Variants in SLC25A43 observed in about 807,000 individuals in gnomAD.
SLC25A43 encodes solute carrier family 25 member 43.
SLC25A43 carries 10 observed loss-of-function variants against 22.8 expected under a neutral mutation model. That is an observed-to-expected ratio of 0.44 (90% CI 0.27 to 0.74). SLC25A43 has a LOEUF of 0.74. Among genes scored for constraint, SLC25A43 ranks in the 30% least tolerant of loss-of-function variants. SLC25A43 has a pLI of 0.17. For synonymous variants in SLC25A43, 106 were observed against 121.6 expected (o/e 0.87, Z 0.84); for missense variants, 233 against 279.1 (o/e 0.83, Z 1.18).
At chrX:119,442,409 C>G (rs1009550374) in intron 3 of SLC25A43, among the ~76,000 whole-genome samples, 1 of 112,199 alleles carries the variant, frequency 8.9e-6, no homozygotes, top group African/African-American at 3.2e-5. Context: ...ACAATTCTTA[C>G]CAGAAACTGG....
intron 4 of SLC25A43, among the ~76,000 whole-genome samples, chrX:119,452,502 A>AAAAAAC (rs1556113470): frequency 9.0e-6 from 1 of 111,089 alleles, no homozygotes; most frequent in Non-Finnish European, 1.9e-5. Context: ...CAAAAAAAAA[A>AAAAAAC]AAAAACAAAA....
chrX:119,413,081 C>T (rs1362590549), intron 3 of SLC25A43, among the ~76,000 whole-genome samples: 1 of 109,180 alleles, frequency 9.2e-6, no homozygotes, highest in East Asian at 2.9e-4. Context: ...ATCCTGCCAC[C>T]GCATTCCAGC....
chrX:119,407,870 C>A (rs2052311972), intron 2 of SLC25A43, among the ~76,000 whole-genome samples: 1 of 110,930 alleles, frequency 9.0e-6, no homozygotes, highest in African/African-American at 3.3e-5. Context: ...TCTCACTCCA[C>A]CCCCACTTGA....
chrX:119,402,847 C>G (rs2147249602), intron 1 of SLC25A43, among the ~76,000 whole-genome samples: 1 of 109,500 alleles, frequency 9.1e-6, no homozygotes, highest in Non-Finnish European at 1.9e-5. Context: ...CTCTGAGATT[C>G]TAAGGGGAAC....
chrX:119,444,815 A>G (rs1213552864), intron 3 of SLC25A43, among the ~76,000 whole-genome samples: 1 of 109,946 alleles, frequency 9.1e-6, no homozygotes, highest in African/African-American at 3.3e-5. Flanking sequence ...TGGGTGGCTC[A>G]CTTGAGGTCA....
intron 3 of SLC25A43, among the ~76,000 whole-genome samples, chrX:119,411,362 T>A (rs1365938861): frequency 9.1e-6 from 1 of 110,427 alleles, no homozygotes; most frequent in Non-Finnish European, 1.9e-5. Context: ...TAGCTGGTTG[T>A]GGTGGCACAT....
At chrX:119,407,348 T>C (rs773578387) in intron 2 of SLC25A43, among the ~76,000 whole-genome samples, 1 of 111,234 alleles carries the variant, frequency 9.0e-6, no homozygotes, top group Admixed American at 9.6e-5. Context: ...TTAGCTTGCT[T>C]CTCATCCTCC....
chrX:119,431,841 G>A (rs1037545691), intron 3 of SLC25A43, among the ~76,000 whole-genome samples: 2 of 111,128 alleles, frequency 1.8e-5, no homozygotes, highest in South Asian at 3.8e-4. Context: ...AGAGTGTGCC[G>A]CAGCAGAGGT....
chrX:119,443,115 TC>T (rs1289578243), intron 3 of SLC25A43, among the ~76,000 whole-genome samples: 9 of 68,029 alleles, frequency 1.3e-4, no homozygotes, highest in African/African-American at 1.8e-4. Context: ...CCATTCTCTC[TC>T]TTTTTTTTTT....
chrX:119,430,652 G>T (rs1327398023), intron 3 of SLC25A43, among the ~76,000 whole-genome samples: 3 of 112,369 alleles, frequency 2.7e-5, no homozygotes, highest in African/African-American at 9.7e-5. Context: ...TGTAAAAAGT[G>T]CTAATGTCCA....
chrX:119,420,653 C>T (rs776881686), intron 3 of SLC25A43, among the ~76,000 whole-genome samples: 1 of 111,945 alleles, frequency 8.9e-6, no homozygotes, highest in South Asian at 3.7e-4. Context: ...AAAGGCTGAG[C>T]CCCTTGGCTT....
intron 1 of SLC25A43, among the ~76,000 whole-genome samples, chrX:119,401,700 C>T (rs1305037752): frequency 2.8e-5 from 3 of 108,833 alleles, no homozygotes; most frequent in Non-Finnish European, 5.7e-5. Context: ...GACTTGGTAT[C>T]CAAGGGTAGC....
chrX:119,452,936 T>A lies in SLC25A43; in HGVS notation c.897T>A (p.Gly299=), dbSNP rs2052716972. The change falls in exon 5 of 5, where the codon GGT becomes GGA. Residue 299 remains glycine, a synonymous_variant. Coordinates refer to ENST00000217909, the MANE Select transcript of SLC25A43 (RefSeq NM_145305.3). ...AGAGAATCTGTCTTTATCAAAATGG[T>A]TACATTCTGTCTCCACTGAGCTATA... is the stretch of plus-strand genomic sequence containing the variant. The part of the protein sequence containing the change: ...FCKRICLYQN[G]YILSPLSYKL... 1 of 1,210,306 alleles carries A rather than the reference T, an allele frequency of 8.3e-7. No homozygotes were observed. The highest frequency in any genetic ancestry group is 1.1e-6 in the Non-Finnish European group (1 of 894,137).
chrX:119,451,851 C>T, intron 3 of SLC25A43, 158 bp from the exon 4 acceptor site: 4 of 1,116,506 alleles, frequency 3.6e-6, no homozygotes, highest in Non-Finnish European at 4.7e-6. Flanking sequence ...TGTTCTAAGC[C>T]CACAGAACAA....
intron 3 of SLC25A43, among the ~76,000 whole-genome samples, chrX:119,433,754 C>T (rs150514174): frequency 1.8e-5 from 2 of 111,729 alleles, no homozygotes; most frequent in African/African-American, 6.5e-5. Context: ...GGTAAGGAAA[C>T]TGACCCTTGC....
chrX:119,409,156 T>TTTTA (rs3078516), intron 2 of SLC25A43, among the ~76,000 whole-genome samples: 4,239 of 107,313 alleles, frequency 0.04, 84 homozygotes, highest in East Asian at 0.072. Flanking sequence ...TCCATTTTTA[T>TTTTA]TTTATTTATT....
At chrX:119,421,916 A>T (rs1385787843) in intron 3 of SLC25A43, among the ~76,000 whole-genome samples, 1 of 109,343 alleles carries the variant, frequency 9.1e-6, no homozygotes, top group Non-Finnish European at 1.9e-5. Context: ...AATACCACCC[A>T]CCCCCTTTTT....
chrX:119,406,594 A>G lies in SLC25A43; in HGVS notation c.410A>G (p.Gln137Arg), dbSNP rs778025228. Residue 137 changes from glutamine (Q) to arginine (R), a missense_variant, in exon 2 of 5, where the codon CAG becomes CGG. By Grantham distance (43) the Gln-to-Arg change is conservative. Coordinates refer to ENST00000217909, the MANE Select transcript of SLC25A43 (RefSeq NM_145305.3). The stretch of plus-strand genomic sequence containing the variant: ...CTCATCAAAACCCGGTTGATCATGC[A>G]GAACATACTGGAACCATCGTACAGG... ...TDLIKTRLIM[Q>R]NILEPSYRGL... is the part of the protein sequence containing the mutation. 6.2e-5 allele frequency: 75 copies of G among 1,210,256 alleles called. No homozygotes were observed. Among genetic ancestry groups the G allele is most frequent in the Non-Finnish European group, 7.9e-5 (71 of 895,301 alleles).
chrX:119,419,210 C>T (rs753280582), intron 3 of SLC25A43, among the ~76,000 whole-genome samples: 1 of 111,130 alleles, frequency 9.0e-6, no homozygotes, highest in African/African-American at 3.3e-5. Flanking sequence ...GACACATGCT[C>T]GGTCCCCCCA....
Sources: gnomAD v4.1 joint callset for allele counts (sites outside exome capture counted in the v4.1 genomes callset) on GRCh38, gnomAD v4.1.1 for gene constraint, MANE v1.5 for transcripts, NCBI Gene and HGNC (gene_info 2026-07-23, HGNC 2026-07-21) for gene names.